The following SEMA6D variants were observed in gnomAD, a reference collection of about 807,000 sequenced individuals.
The protein encoded by SEMA6D is semaphorin 6D, also known as semaphorin-6D.
Under a neutral mutation model 106.6 loss-of-function variants are expected in SEMA6D, and 35 were observed. The observed-to-expected ratio is 0.33, with a 90% CI of 0.25 to 0.44. The LOEUF (loss-of-function observed/expected upper bound fraction) is 0.44, where lower values mean the gene tolerates loss of function less well. SEMA6D is among the 20% of genes least tolerant of loss of function. SEMA6D has a pLI of 1.00. For missense variants in SEMA6D, 1,185 were observed against 1,345.9 expected, an observed-to-expected ratio of 0.88 and a Z score of 1.87; for synonymous variants, 499 against 487.7, an observed-to-expected ratio of 1.02 and a Z score of -0.31.
At chr15:47,270,752 G>A (rs558267902) in intron 1 of SEMA6D, among the ~76,000 whole-genome samples, 89 of 152,024 alleles carry the variant, frequency 5.9e-4, no homozygotes, top group Non-Finnish European at 1.1e-3. Flanking sequence ...CTAGCACTTT[G>A]GGAGGCCAAG....
chr15:47,204,899 G>T (rs962358561), intron 1 of SEMA6D, among the ~76,000 whole-genome samples: 1 of 152,040 alleles, frequency 6.6e-6, no homozygotes, highest in Non-Finnish European at 1.5e-5. Flanking sequence ...CAGGTAAAGG[G>T]ATTTGAACCC....
chr15:47,362,803 T>TA (rs1375887696), intron 1 of SEMA6D, among the ~76,000 whole-genome samples: 1 of 152,166 alleles, frequency 6.6e-6, no homozygotes, highest in Non-Finnish European at 1.5e-5. Flanking sequence ...ATTTTCTTGT[T>TA]ACTGAAGGAC....
intron 4 of SEMA6D, among the ~76,000 whole-genome samples, chr15:47,617,570 AT>A (rs141044263): frequency 2.0e-5 from 3 of 152,006 alleles, no homozygotes; most frequent in East Asian, 3.9e-4. Flanking sequence ...GTTTCTTTGT[AT>A]TTTTTTCCCA....
At chr15:47,448,344 C>A (rs773646003) in intron 2 of SEMA6D, among the ~76,000 whole-genome samples, 2 of 148,534 alleles carry the variant, frequency 1.3e-5, no homozygotes, top group Non-Finnish European at 1.5e-5. Context: ...CTGATCTGGT[C>A]CAAGACAGGA....
intron 3 of SEMA6D, among the ~76,000 whole-genome samples, chr15:47,547,479 G>A (rs755239072): frequency 4.6e-5 from 7 of 152,026 alleles, no homozygotes; most frequent in East Asian, 1.9e-4. Flanking sequence ...TTTTGCTTTC[G>A]TTTTTGTTTT....
intron 1 of SEMA6D, among the ~76,000 whole-genome samples, chr15:47,360,626 G>C (rs371239891): frequency 6.6e-6 from 1 of 152,178 alleles, no homozygotes; most frequent in Non-Finnish European, 1.5e-5. Context: ...AGGGTGTCCT[G>C]TTTCAGGAAA....
chr15:47,665,090 T>C (rs2077999332), intron 4 of SEMA6D, among the ~76,000 whole-genome samples: 1 of 152,158 alleles, frequency 6.6e-6, no homozygotes, highest in Non-Finnish European at 1.5e-5. Context: ...TGTCTTCCTC[T>C]GTCAAACATA....
intron 1 of SEMA6D, among the ~76,000 whole-genome samples, chr15:47,211,028 A>C: frequency 6.6e-6 from 1 of 152,270 alleles, no homozygotes; most frequent in Middle Eastern, 3.4e-3. Context: ...TAAATTGTAC[A>C]TAAGTACAAA....
chr15:47,685,243 C>T (rs750493520), intron 4 of SEMA6D, among the ~76,000 whole-genome samples: 2 of 152,170 alleles, frequency 1.3e-5, no homozygotes, highest in African/African-American at 2.4e-5. Flanking sequence ...GCAATACCAT[C>T]CAATAGGTTT....
Position 47,350,427 on chromosome 15 carries a change from A to G in SEMA6D, c.-238-61966A>G, listed in dbSNP as rs956071020. ...TGGATACTCAAGGTATTCTGTTAGC[A>G]GGGGCTTATTTTCACATGCATTGTT... is the stretch of plus-strand genomic sequence containing the variant. On this transcript the variant is annotated intron_variant, in intron 1 of 19. Transcript: ENST00000558014. Among the ~76,000 whole-genome samples the G allele has an allele frequency of 7.2e-5, 11 of 152,194 alleles. No homozygotes were observed. The East Asian group carries it at 1.3e-3, about 19-fold the overall frequency.
intron 1 of SEMA6D, among the ~76,000 whole-genome samples, chr15:47,407,403 CAACAACA>C (rs1163107698): frequency 1.2e-5 from 1 of 82,268 alleles, no homozygotes; most frequent in Admixed American, 1.3e-4. Flanking sequence ...ACAACAACAA[CAACAACA>C]AAAAAAACAA....
intron 1 of SEMA6D, among the ~76,000 whole-genome samples, chr15:47,722,849 A>G (rs931752923): frequency 1.3e-5 from 2 of 152,206 alleles, no homozygotes; most frequent in Non-Finnish European, 2.9e-5. Context: ...TAAGATCTTT[A>G]TATTGGTTAT....
intron 1 of SEMA6D, among the ~76,000 whole-genome samples, chr15:47,258,496 G>A (rs1555411770): frequency 6.6e-6 from 1 of 152,154 alleles, no homozygotes; most frequent in Non-Finnish European, 1.5e-5. Flanking sequence ...ACAAAAAGGT[G>A]GAGGAAGAGT....
In SEMA6D at chr15:47,757,338, C is replaced by T. The variant is rs369896737; in HGVS notation, c.-54-2407C>T. Among the ~76,000 whole-genome samples, 11 of 152,146 alleles carry T rather than the reference C, an allele frequency of 7.2e-5. No homozygotes were observed. The East Asian group carries it at 1.7e-3, about 24-fold the overall frequency. Reference sequence around the variant, plus strand: ...TTTCCTGATATCCAGCAGAAAGATTCGGTGATTTTCTATCTAGAGGATGAT... The same window carrying T: ...TTTCCTGATATCCAGCAGAAAGATTTGGTGATTTTCTATCTAGAGGATGAT... On this transcript the variant is annotated intron_variant, in intron 1 of 18. Transcript: ENST00000536845.
intron 1 of SEMA6D, among the ~76,000 whole-genome samples, chr15:47,300,364 G>T (rs2035972587): frequency 6.6e-6 from 1 of 151,394 alleles, no homozygotes; most frequent in Admixed American, 6.6e-5. Flanking sequence ...CAGTATAAAA[G>T]AATGCAGTCA....
chr15:47,391,524 G>A (rs570739496), intron 1 of SEMA6D, among the ~76,000 whole-genome samples: 5 of 152,182 alleles, frequency 3.3e-5, no homozygotes, highest in African/African-American at 7.2e-5. Context: ...GGAGTACTTC[G>A]GTTTCCAGTT....
intron 3 of SEMA6D, among the ~76,000 whole-genome samples, chr15:47,552,196 C>T (rs1376665806): frequency 1.3e-5 from 2 of 152,000 alleles, no homozygotes; most frequent in Non-Finnish European, 2.9e-5. Context: ...ACTGGTGGTT[C>T]TGAAGTCTAT....
At chr15:47,410,697 C>G (rs889185241) in intron 1 of SEMA6D, among the ~76,000 whole-genome samples, 3 of 152,234 alleles carry the variant, frequency 2.0e-5, no homozygotes, top group Non-Finnish European at 4.4e-5. Flanking sequence ...TGGACCCCAG[C>G]CCAGACCTAT....
intron 3 of SEMA6D, among the ~76,000 whole-genome samples, chr15:47,477,635 C>A (rs182539061): frequency 7.9e-5 from 12 of 152,216 alleles, no homozygotes; most frequent in African/African-American, 2.9e-4. Flanking sequence ...TCTAAACCAG[C>A]CAACAGCCAC....
Sources: gnomAD v4.1 joint callset for allele counts (sites outside exome capture counted in the v4.1 genomes callset) on GRCh38, gnomAD v4.1.1 for gene constraint, MANE v1.5 for transcripts, NCBI Gene and HGNC (gene_info 2026-07-23, HGNC 2026-07-21) for gene names.